The following SLC25A26 variants were observed in gnomAD, a reference collection of about 807,000 sequenced individuals.
SLC25A26 encodes solute carrier family 25 member 26.
In SLC25A26, 36 loss-of-function variants were observed where a neutral mutation model predicts 37.8. That is an observed-to-expected ratio of 0.95 (90% CI 0.73 to 1.26). The LOEUF (loss-of-function observed/expected upper bound fraction) is 1.26. Ranked by LOEUF, SLC25A26 falls within the 50% of genes most tolerant of loss-of-function variation. The pLI is 0.00. For missense variants in SLC25A26, 390 were observed against 331.1 expected (o/e 1.18, Z -1.38); for synonymous variants, 129 against 122.5 (o/e 1.05, Z -0.35).
At chr3:66,193,151 C>T (rs1240141290) in intron 1 of SLC25A26, among the ~76,000 whole-genome samples, 3 of 152,006 alleles carry the variant, frequency 2.0e-5, no homozygotes, top group Non-Finnish European at 2.9e-5. Context: ...ATTTAGTATA[C>T]TGACAATTAT....
chr3:66,332,428 C>G (rs2075998557), intron 5 of SLC25A26, among the ~76,000 whole-genome samples: 1 of 152,120 alleles, frequency 6.6e-6, no homozygotes, highest in Non-Finnish European at 1.5e-5. Flanking sequence ...TAATAGTACT[C>G]ATTTAGATTG....
chr3:66,367,620 T>C (rs1339888527), intron 7 of SLC25A26, among the ~76,000 whole-genome samples: 1 of 152,164 alleles, frequency 6.6e-6, no homozygotes, highest in Non-Finnish European at 1.5e-5. Context: ...TAGTAAAGTT[T>C]GTTGCCTTTG....
At chr3:66,326,281 A>G (rs1230555555) in intron 5 of SLC25A26, among the ~76,000 whole-genome samples, 1 of 152,200 alleles carries the variant, frequency 6.6e-6, no homozygotes, top group Non-Finnish European at 1.5e-5. Flanking sequence ...CTAGCACAGG[A>G]AAAAGAGGCC....
chr3:66,283,329 G>A (rs912113900), intron 5 of SLC25A26, among the ~76,000 whole-genome samples: 5 of 152,038 alleles, frequency 3.3e-5, no homozygotes, highest in African/African-American at 1.2e-4. Context: ...GTTAACCCAG[G>A]CTGAGTGCAG....
chr3:66,139,386 T>A (rs765146225), intron 1 of SLC25A26, among the ~76,000 whole-genome samples: 47 of 152,212 alleles, frequency 3.1e-4, no homozygotes, highest in Non-Finnish European at 6.2e-4. Context: ...GAGAAAACAA[T>A]GCCTCCAATA....
At chr3:66,144,472 G>A (rs1040041262) in intron 1 of SLC25A26, among the ~76,000 whole-genome samples, 6 of 152,164 alleles carry the variant, frequency 3.9e-5, no homozygotes, top group Non-Finnish European at 7.3e-5. Flanking sequence ...CCTAGATTTT[G>A]CCCACTGGGT....
intron 1 of SLC25A26, among the ~76,000 whole-genome samples, chr3:66,199,457 C>T (rs2071083790): frequency 6.6e-6 from 1 of 152,038 alleles, no homozygotes; most frequent in Admixed American, 6.6e-5. Context: ...TTTCAGCCTC[C>T]TTTGAACGTT....
At chr3:66,284,987 A>G (rs1399752042) in intron 5 of SLC25A26, among the ~76,000 whole-genome samples, 1 of 152,172 alleles carries the variant, frequency 6.6e-6, no homozygotes, top group African/African-American at 2.4e-5. Flanking sequence ...ATGGGTAGTA[A>G]AATGATAAGA....
chr3:66,370,660 C>T, intron 9 of SLC25A26, 58 bp downstream of exon 9: 1 of 1,420,000 alleles, frequency 7.0e-7, no homozygotes, highest in Non-Finnish European at 9.8e-7. Flanking sequence ...CCTCCTTTAG[C>T]CTAACTTTGG....
upstream of SLC25A26, among the ~76,000 whole-genome samples, chr3:66,219,783 T>C (rs916811799): frequency 2.0e-5 from 3 of 152,198 alleles, no homozygotes; most frequent in East Asian, 5.8e-4. Flanking sequence ...GAGTACTTTC[T>C]ATGAGCCAGG....
At chr3:66,156,008 A>G (rs1451686356) in intron 1 of SLC25A26, among the ~76,000 whole-genome samples, 1 of 152,158 alleles carries the variant, frequency 6.6e-6, no homozygotes, top group Non-Finnish European at 1.5e-5. Context: ...GCATAGGGGA[A>G]GAGTCAATTC....
intron 3 of SLC25A26, among the ~76,000 whole-genome samples, chr3:66,251,035 T>G (rs1202237526): frequency 6.6e-6 from 1 of 152,010 alleles, no homozygotes; most frequent in Non-Finnish European, 1.5e-5. Context: ...GCATTTAGAA[T>G]AGGATGGTTT....
At chr3:66,345,941 C>T (rs1342251250) in intron 5 of SLC25A26, among the ~76,000 whole-genome samples, 1 of 152,158 alleles carries the variant, frequency 6.6e-6, no homozygotes, top group Non-Finnish European at 1.5e-5. Flanking sequence ...GCCTGTAATC[C>T]CAGCACTTTT....
chr3:66,208,132 T>C (rs2071204752), intron 1 of SLC25A26, among the ~76,000 whole-genome samples: 1 of 152,332 alleles, frequency 6.6e-6, no homozygotes, highest in East Asian at 1.9e-4. Flanking sequence ...CTTTTATTTT[T>C]AATCATTCTC....
intron 1 of SLC25A26, among the ~76,000 whole-genome samples, chr3:66,193,263 A>G (rs1158313717): frequency 2.0e-5 from 3 of 152,178 alleles, no homozygotes; most frequent in Non-Finnish European, 1.5e-5. Flanking sequence ...AATTTGTTAT[A>G]TAAATAATAT....
intron 5 of SLC25A26, among the ~76,000 whole-genome samples, chr3:66,303,244 G>A (rs1008052180): frequency 6.6e-6 from 1 of 152,158 alleles, no homozygotes; most frequent in Non-Finnish European, 1.5e-5. Flanking sequence ...TTTTACTACA[G>A]TATCAGAGAG....
At chr3:66,369,366 C>A in intron 7 of SLC25A26, 112 bp from the exon 8 acceptor site, 1 of 816,818 alleles carries the variant, frequency 1.2e-6, no homozygotes, top group Non-Finnish European at 2.0e-6. Context: ...GTTCTTCAAT[C>A]AGCCAGGTGT....
At chr3:66,201,374 C>A (rs1304792577) in intron 1 of SLC25A26, among the ~76,000 whole-genome samples, 1 of 151,670 alleles carries the variant, frequency 6.6e-6, no homozygotes, top group African/African-American at 2.4e-5. Context: ...GGTCTGTCAC[C>A]CAGGCTGGAG....
chr3:66,270,188 T>G (rs2073908762), intron 5 of SLC25A26, among the ~76,000 whole-genome samples: 1 of 152,308 alleles, frequency 6.6e-6, no homozygotes, highest in African/African-American at 2.4e-5. Context: ...TTCTAAGATT[T>G]CAGTCTTCTT....
Sources: allele counts gnomAD v4.1 joint callset (sites outside exome capture counted in the v4.1 genomes callset), GRCh38; gene constraint gnomAD v4.1.1; transcripts MANE v1.5; gene names NCBI Gene and HGNC (gene_info 2026-07-23, HGNC 2026-07-21).